The following DPRX variants were observed in gnomAD, a reference collection of about 807,000 sequenced individuals.
The protein encoded by DPRX is divergent paired-related homeobox.
DPRX carries 11 observed loss-of-function variants against 8.4 expected under a neutral mutation model. That is an observed-to-expected ratio of 1.31 (90% CI 0.82 to 2.17). The LOEUF is 2.17. DPRX is among the 30% of genes most tolerant of loss of function. DPRX has a pLI of 0.00. For synonymous variants in DPRX, 72 were observed against 87.0 expected, an observed-to-expected ratio of 0.83 and a Z score of 0.96; for missense variants, 211 against 236.7, an observed-to-expected ratio of 0.89 and a Z score of 0.71.
At chr19:53,634,360 G>C (rs553025773) in intron 1 of DPRX, among the ~76,000 whole-genome samples, 171 bp from the exon 2 acceptor site, 1 of 152,314 alleles carries the variant, frequency 6.6e-6, no homozygotes, top group East Asian at 1.9e-4. Flanking sequence ...GAACTCAGGA[G>C]GTGGAGGTTG....
chr19:53,611,224 A>C, the DPRX span, among the ~76,000 whole-genome samples: 3 of 152,056 alleles, frequency 2.0e-5, no homozygotes, highest in Non-Finnish European at 2.9e-5. Flanking sequence ...TCTAAAAAAA[A>C]CAAAAAATCC....
At chr19:53,631,370 C>A (rs1324784276), upstream of DPRX, among the ~76,000 whole-genome samples, 1 of 152,080 alleles carries the variant, frequency 6.6e-6, no homozygotes, top group Non-Finnish European at 1.5e-5. Context: ...CAATGCCAAG[C>A]ATATATTAGC....
chr19:53,613,579 C>G, the DPRX span, among the ~76,000 whole-genome samples: 1 of 150,868 alleles, frequency 6.6e-6, no homozygotes, highest in African/African-American at 2.4e-5. Context: ...AGGCCAGTCT[C>G]AAACTCCTGA....
chr19:53,616,701 C>A, the DPRX span: 8 of 993,430 alleles, frequency 8.1e-6, no homozygotes, highest in Non-Finnish European at 1.0e-5. Flanking sequence ...TTGCAATGAG[C>A]CAAGATCGCA....
upstream of DPRX, among the ~76,000 whole-genome samples, chr19:53,630,614 G>A (rs1386036598): frequency 6.6e-6 from 1 of 151,460 alleles, no homozygotes; most frequent in Non-Finnish European, 1.5e-5. Flanking sequence ...AGTCAGCTGT[G>A]TTTTTTGAGA....
upstream of DPRX, among the ~76,000 whole-genome samples, chr19:53,630,212 C>CAAAAA (rs35045422): frequency 1.8e-5 from 2 of 111,782 alleles, no homozygotes; most frequent in African/African-American, 3.9e-5. Flanking sequence ...GACTCCATCT[C>CAAAAA]AAAAAAAAAA....
At chr19:53,635,730 T>C (rs540191544) in intron 2 of DPRX, among the ~76,000 whole-genome samples, 30 of 152,276 alleles carry the variant, frequency 2.0e-4, no homozygotes, top group African/African-American at 7.2e-4. Flanking sequence ...CCAACACACA[T>C]ACAACACAAA....
the DPRX span, among the ~76,000 whole-genome samples, chr19:53,621,470 T>C: frequency 6.6e-6 from 1 of 152,036 alleles, no homozygotes; most frequent in Non-Finnish European, 1.5e-5. Context: ...CATTAAGTCT[T>C]GAAGCAAAGA....
At chr19:53,620,465 A>G in the DPRX span, among the ~76,000 whole-genome samples, 2 of 149,360 alleles carry the variant, frequency 1.3e-5, no homozygotes, top group African/African-American at 2.5e-5. Flanking sequence ...TGGGTTCAAG[A>G]GATTCTCCTG....
At chr19:53,620,288 C>T in the DPRX span, among the ~76,000 whole-genome samples, 1 of 151,940 alleles carries the variant, frequency 6.6e-6, no homozygotes. Flanking sequence ...CCAGGATGGT[C>T]TCGATCTCCT....
chr19:53,631,944 G>A (rs2091094259), upstream of DPRX: 1 of 859,928 alleles, frequency 1.2e-6, no homozygotes, highest in Non-Finnish European at 1.9e-6. Flanking sequence ...AAATCCAGGG[G>A]GCTCTGGAGG....
At chr19:53,602,312 G>GTC in the DPRX span, 3,059 of 316,210 alleles carry the variant, frequency 9.7e-3, 103 homozygotes, top group African/African-American at 0.069. Flanking sequence ...GTGTGTGTGT[G>GTC]CCAGCCTCCC....
chr19:53,626,954 G>A, the DPRX span, among the ~76,000 whole-genome samples: 164 of 152,038 alleles, frequency 1.1e-3, no homozygotes, highest in Middle Eastern at 0.014. Context: ...TGCCTGCCTC[G>A]ACCTCCCAAA....
chr19:53,623,354 C>T, the DPRX span, among the ~76,000 whole-genome samples: 1 of 133,872 alleles, frequency 7.5e-6, no homozygotes, highest in Non-Finnish European at 1.6e-5. Flanking sequence ...AAAGGCCATT[C>T]CTGGCTGGGC....
the DPRX span, among the ~76,000 whole-genome samples, chr19:53,602,690 G>A: frequency 1.0e-3 from 158 of 151,732 alleles, no homozygotes; most frequent in Middle Eastern, 3.4e-3. Context: ...GTCTGCCACC[G>A]TGCTCGGCTA....
At chr19:53,623,223 C>T in the DPRX span, among the ~76,000 whole-genome samples, 3 of 152,032 alleles carry the variant, frequency 2.0e-5, no homozygotes, top group East Asian at 1.9e-4. Context: ...AGGAGAATGG[C>T]GTGAACCCAG....
the DPRX span, among the ~76,000 whole-genome samples, chr19:53,607,882 A>T: frequency 1.3e-5 from 2 of 150,702 alleles, no homozygotes; most frequent in African/African-American, 2.4e-5. Flanking sequence ...ATTTGAAAAT[A>T]AAAAAACAGG....
At chr19:53,624,602 A>G in the DPRX span, among the ~76,000 whole-genome samples, 1 of 151,264 alleles carries the variant, frequency 6.6e-6, no homozygotes, top group Non-Finnish European at 1.5e-5. Context: ...TTTAGTAGAG[A>G]TGGGGTTTCA....
At chr19:53,619,147 G>T in the DPRX span, among the ~76,000 whole-genome samples, 1 of 152,108 alleles carries the variant, frequency 6.6e-6, no homozygotes, top group Non-Finnish European at 1.5e-5. Context: ...TGATACAAAG[G>T]CTTCAGTTCC....
Sources: gnomAD v4.1 joint callset for allele counts (sites outside exome capture counted in the v4.1 genomes callset) on GRCh38, gnomAD v4.1.1 for gene constraint, MANE v1.5 for transcripts, NCBI Gene and HGNC (gene_info 2026-07-23, HGNC 2026-07-21) for gene names.